Variants in AFF1 observed in about 807,000 individuals in gnomAD.
AFF1 encodes the protein ALF transcription elongation factor 1.
In AFF1, 48 loss-of-function variants were observed where a neutral mutation model predicts 121.7. The ratio of observed to expected loss-of-function variants is 0.39; its 90% CI spans 0.31 to 0.50. AFF1 has a LOEUF of 0.50. Among genes scored for constraint, AFF1 ranks in the 20% least tolerant of loss-of-function variants. The pLI is 0.76. For missense variants in AFF1, 1,523 were observed against 1,511.7 expected, an observed-to-expected ratio of 1.01 and a Z score of -0.12; for synonymous variants, 613 against 563.0, an observed-to-expected ratio of 1.09 and a Z score of -1.26.
chr4:86,998,549 G>A (rs538518531), intron 2 of AFF1, among the ~76,000 whole-genome samples: 1 of 152,234 alleles, frequency 6.6e-6, no homozygotes, highest in South Asian at 2.1e-4. Context: ...TGCTACAGAG[G>A]CCCCATCAAT....
chr4:86,943,788 C>T (rs532023910), intron 1 of AFF1, among the ~76,000 whole-genome samples: 4 of 151,946 alleles, frequency 2.6e-5, no homozygotes, highest in South Asian at 4.2e-4. Flanking sequence ...GGAGAAACCC[C>T]GTCTCTACTA....
intron 12 of AFF1, among the ~76,000 whole-genome samples, chr4:87,121,313 A>C (rs1384137849): frequency 1.3e-5 from 2 of 152,154 alleles, no homozygotes; most frequent in Non-Finnish European, 2.9e-5. Context: ...AAAGAACAGC[A>C]TGCCTCCTGT....
chr4:87,111,860 A>T (rs1469181230), intron 11 of AFF1, among the ~76,000 whole-genome samples: 1 of 152,164 alleles, frequency 6.6e-6, no homozygotes, highest in African/African-American at 2.4e-5. Context: ...ACTGTAGTGG[A>T]AGAATATATT....
At chr4:86,958,568 A>C (rs1721922047) in intron 2 of AFF1, among the ~76,000 whole-genome samples, 1 of 151,962 alleles carries the variant, frequency 6.6e-6, no homozygotes, top group African/African-American at 2.4e-5. Context: ...AAAATAAAAA[A>C]TTAGCCGGGT....
intron 2 of AFF1, among the ~76,000 whole-genome samples, chr4:87,025,645 C>T (rs909986954): frequency 8.5e-5 from 13 of 152,140 alleles, no homozygotes; most frequent in Non-Finnish European, 1.2e-4. Context: ...ATGGCTGTCA[C>T]GCCTGGGAGG....
chr4:87,096,328 G>A (rs1480074969), intron 8 of AFF1, among the ~76,000 whole-genome samples: 1 of 138,498 alleles, frequency 7.2e-6, no homozygotes, highest in African/African-American at 2.7e-5. Flanking sequence ...TTTGGAGACA[G>A]GGTCTTGCTC....
At chr4:87,106,544 C>T (rs144236358) in intron 10 of AFF1, among the ~76,000 whole-genome samples, 1 of 152,172 alleles carries the variant, frequency 6.6e-6, no homozygotes, top group Non-Finnish European at 1.5e-5. Context: ...TTCCATTATG[C>T]CTGTTTTCTT....
intron 2 of AFF1, among the ~76,000 whole-genome samples, chr4:87,011,088 A>G (rs1726700828): frequency 6.6e-6 from 1 of 150,622 alleles, no homozygotes; most frequent in Admixed American, 6.6e-5. Flanking sequence ...CAAAAAAAAA[A>G]AAAAAAAAAG....
intron 16 of AFF1, among the ~76,000 whole-genome samples, chr4:87,130,401 A>G (rs1728720417): frequency 6.6e-6 from 1 of 152,178 alleles, no homozygotes; most frequent in Non-Finnish European, 1.5e-5. Flanking sequence ...GTTGCATCAC[A>G]CTGTCATCAG....
intron 2 of AFF1, among the ~76,000 whole-genome samples, chr4:86,969,577 TAAAAA>T (rs5860046): frequency 6.9e-5 from 10 of 145,744 alleles, no homozygotes; most frequent in African/African-American, 2.5e-4. Context: ...AAATAGTTGT[TAAAAA>T]AAAAAAGGGT....
intron 8 of AFF1, among the ~76,000 whole-genome samples, chr4:87,105,333 G>A (rs573156111): frequency 6.6e-6 from 1 of 152,294 alleles, no homozygotes; most frequent in East Asian, 1.9e-4. Flanking sequence ...TCCTTGTCTT[G>A]TGGTAGTTCT....
At position 87,127,170 on chromosome 4, in the gene AFF1, C is replaced by T. The variant is rs555125194; in HGVS notation, c.2903+53C>T. The T allele has an allele frequency of 4.3e-5, 55 of 1,293,418 alleles. 3 individuals are homozygous for T. In the African/African-American group the frequency reaches 8.6e-4, roughly 20 times the overall value. The allele number at this position is 1,293,418 out of a possible 1,614,324, so 80.1% of individuals were successfully genotyped here. ...TCTGTTTTGTTTTGTTTTGCTTCCC[C>T]CCCCCACCAAGATAGAGTCTCACTC... On this transcript the variant is annotated intron_variant, in intron 15 of 20. Transcript: ENST00000395146.
At chr4:86,976,124 G>A (rs1419882465) in intron 2 of AFF1, among the ~76,000 whole-genome samples, 3 of 152,172 alleles carry the variant, frequency 2.0e-5, no homozygotes, top group African/African-American at 7.2e-5. Flanking sequence ...AGTGGGAGGG[G>A]CACACAGAGT....
At chr4:87,079,408 C>T (rs1336722552) in intron 4 of AFF1, among the ~76,000 whole-genome samples, 2 of 152,178 alleles carry the variant, frequency 1.3e-5, no homozygotes, top group Non-Finnish European at 1.5e-5. Flanking sequence ...AATCAGGCCA[C>T]GGCCAGCATT....
chr4:86,976,629 G>A (rs1211241675), intron 2 of AFF1, among the ~76,000 whole-genome samples: 1 of 152,172 alleles, frequency 6.6e-6, no homozygotes, highest in Non-Finnish European at 1.5e-5. Context: ...GATGGAGGGG[G>A]AGGATTGAAA....
intron 2 of AFF1, among the ~76,000 whole-genome samples, chr4:86,958,679 C>G (rs991243422): frequency 1.5e-4 from 23 of 152,076 alleles, no homozygotes; most frequent in Non-Finnish European, 2.9e-5. Flanking sequence ...GATTGTGCCA[C>G]TGCACTCCAG....
At chr4:87,017,101 G>GTTTTT (rs66466780) in intron 2 of AFF1, among the ~76,000 whole-genome samples, 3 of 106,376 alleles carry the variant, frequency 2.8e-5, no homozygotes, top group African/African-American at 9.9e-5. Context: ...ATATATATGT[G>GTTTTT]TTTTTTTTTT....
At chr4:87,079,010 C>T (rs1291123440) in intron 4 of AFF1, among the ~76,000 whole-genome samples, 2 of 152,080 alleles carry the variant, frequency 1.3e-5, no homozygotes, top group African/African-American at 4.8e-5. Flanking sequence ...TAATACTATA[C>T]CTTCTCACAA....
At chr4:87,019,253 A>T (rs1727643655) in intron 2 of AFF1, among the ~76,000 whole-genome samples, 2 of 152,200 alleles carry the variant, frequency 1.3e-5, no homozygotes, top group Non-Finnish European at 2.9e-5. Context: ...GTTTTCGTCC[A>T]TGGTTCCTGG....
Sources: allele counts gnomAD v4.1 joint callset (sites outside exome capture counted in the v4.1 genomes callset), GRCh38; gene constraint gnomAD v4.1.1; transcripts MANE v1.5; gene names NCBI Gene and HGNC (gene_info 2026-07-23, HGNC 2026-07-21).